Variants in SCN9A observed in about 807,000 individuals in gnomAD.
SCN9A encodes the protein sodium voltage-gated channel alpha subunit 9.
SCN9A carries 131 observed loss-of-function variants against 187.0 expected under a neutral mutation model. The ratio of observed to expected loss-of-function variants is 0.70; its 90% confidence interval spans 0.61 to 0.81. The LOEUF is 0.81. SCN9A is among the 30% of genes least tolerant of loss of function. SCN9A has a pLI of 0.00. For synonymous variants in SCN9A, 809 were observed against 808.6 expected (o/e 1.00, Z -0.01); for missense variants, 2,252 against 2,396.6 (o/e 0.94, Z 1.26).
In SCN9A at chr2:166,313,054, TA is replaced by T. The variant is rs1319324374; in HGVS notation, c.-50-1249del. Reference sequence around the variant, plus strand: ...ATTTAATTTTCTGAATAGTAAAGAATATAATTATTTAATTTTCTGAATAGTA... The same window carrying T: ...ATTTAATTTTCTGAATAGTAAAGAATTAATTATTTAATTTTCTGAATAGTA... On this transcript the variant is annotated intron_variant, in intron 1 of 26. Coordinates refer to ENST00000642356, the MANE Select transcript of SCN9A (RefSeq NM_001365536.1). Among the ~76,000 whole-genome samples the T allele has an allele frequency of 1.8e-3, 201 of 111,562 alleles. 1 individual carries two copies. The highest frequency in any genetic ancestry group is 2.6e-3 in the Non-Finnish European group (145 of 55,410). 73.2% of individuals were successfully genotyped at this position (111,562 alleles called of 152,430 possible). A position where few individuals can be genotyped will look rare whatever the true frequency, so the allele number is the denominator to read the frequency against.
Position 166,198,361 on chromosome 2 carries a change from G to C in SCN9A, c.*311C>G, listed in dbSNP as rs1693305426. The C allele has an allele frequency of 4.3e-6, 1 of 235,044 alleles. No individual in the cohort carries two copies. 14.6% of individuals were successfully genotyped at this position (235,044 alleles called of 1,614,324 possible). On this transcript the variant is annotated 3_prime_UTR_variant, in exon 27 of 27. Coordinates refer to ENST00000642356, the MANE Select transcript of SCN9A (RefSeq NM_001365536.1). ...AAGACTAATTACAATCCTGTGAAAA[G>C]ATGACAAGGCAGATGTAAAAGTTTT...
intron 1 of SCN9A, among the ~76,000 whole-genome samples, chr2:166,359,541 T>C (rs768623038): frequency 6.6e-6 from 1 of 152,156 alleles, no homozygotes; most frequent in Non-Finnish European, 1.5e-5. Context: ...GCATCCTTCA[T>C]AAGTAACATT....
Position 166,288,139 on chromosome 2 carries a change from A to G in SCN9A, c.1314+298T>C, listed in dbSNP as rs1440772641. On this transcript the variant is annotated intron_variant, in intron 10 of 26. Transcript: ENST00000642356. ...TATATATACACACACATTTATATGT[A>G]TATGTGTATGTATATATAGACATAC... Among the ~76,000 whole-genome samples, 3 of 145,406 alleles carry G rather than the reference A, an allele frequency of 2.1e-5. No individual in the cohort carries two copies. In the East Asian group the frequency reaches 5.9e-4, roughly 29 times the overall value.
chr2:166,278,346 AT>A, intron 14 of SCN9A, 33 bp from the exon 15 acceptor site: 1 of 1,494,514 alleles, frequency 6.7e-7, no homozygotes, highest in Non-Finnish European at 9.0e-7. Context: ...TTCTGTTAAT[AT>A]TAGAAAACAG....
At chr2:166,307,814 C>A (rs997444406) in intron 2 of SCN9A, among the ~76,000 whole-genome samples, 1 of 152,116 alleles carries the variant, frequency 6.6e-6, no homozygotes, top group Non-Finnish European at 1.5e-5. Flanking sequence ...CCAGCAGTAA[C>A]AACAAAATAT....
intron 2 of SCN9A, 112 bp downstream of exon 2, chr2:166,311,382 TTTAAC>T (rs1698950161): frequency 4.2e-4 from 35 of 83,444 alleles, no homozygotes; most frequent in South Asian, 1.0e-3. Flanking sequence ...ATATATTTAA[TTTAAC>T]ATTCTGGTCA....
intron 18 of SCN9A, among the ~76,000 whole-genome samples, chr2:166,243,659 C>T (rs115464225): frequency 0.01 from 1,577 of 151,814 alleles, 28 homozygotes; most frequent in African/African-American, 0.035. Context: ...GCAGAATGTA[C>T]ACAAGAGGCA....
chr2:166,199,628 T>C lies in SCN9A; in HGVS notation c.5011A>G (p.Lys1671Glu). 6.2e-7 allele frequency: 1 copy of C among 1,614,164 alleles called. No individual in the cohort carries two copies. Residue 1671 changes from lysine to glutamate, a missense_variant, in exon 27 of 27, where the codon AAG becomes GAG. Around this residue, in one of 7 missense-constraint regions of SCN9A, gnomAD observed 84 missense variants for 134.2 expected, o/e 0.63. Coordinates refer to ENST00000642356, the MANE Select transcript of SCN9A (RefSeq NM_001365536.1). ...AACATGTCATTAATTCCATCTTCCT[T>C]TTTAACATAGGCAAAGTTGGACATT... The part of the protein sequence containing the change: ...FGMSNFAYVK[K>E]EDGINDMFNF...
At chr2:166,334,600 A>T (rs1476085679) in intron 1 of SCN9A, among the ~76,000 whole-genome samples, 2 of 152,128 alleles carry the variant, frequency 1.3e-5, no homozygotes, top group East Asian at 3.9e-4. Context: ...AAGTCTTTTT[A>T]TGAGAAAATT....
intron 1 of SCN9A, among the ~76,000 whole-genome samples, chr2:166,324,475 T>A (rs549933491): frequency 5.9e-5 from 9 of 152,270 alleles, no homozygotes; most frequent in African/African-American, 2.2e-4. Context: ...TTTGAAAATG[T>A]CACTTCTCTA....
intron 18 of SCN9A, among the ~76,000 whole-genome samples, chr2:166,244,221 G>A (rs1249658845): frequency 1.3e-5 from 2 of 152,002 alleles, no homozygotes; most frequent in African/African-American, 4.8e-5. Context: ...AGAATTCTTA[G>A]TAATAATTAG....
At chr2:166,229,211 T>C (rs1217434237) in intron 21 of SCN9A, among the ~76,000 whole-genome samples, 1 of 152,004 alleles carries the variant, frequency 6.6e-6, no homozygotes, top group Non-Finnish European at 1.5e-5. Context: ...TACATGATTA[T>C]CACACAATAA....
chr2:166,351,908 G>A (rs1456197710), intron 1 of SCN9A, among the ~76,000 whole-genome samples: 2 of 152,078 alleles, frequency 1.3e-5, no homozygotes, highest in African/African-American at 2.4e-5. Flanking sequence ...ATAATGCAAT[G>A]ATACTTGAAA....
intron 17 of SCN9A, among the ~76,000 whole-genome samples, chr2:166,258,802 T>C (rs1409274969): frequency 1.3e-5 from 2 of 151,760 alleles, no homozygotes; most frequent in Non-Finnish European, 3.0e-5. Flanking sequence ...TTTTTAGAGT[T>C]TTGATCTACT....
intron 24 of SCN9A, among the ~76,000 whole-genome samples, chr2:166,222,841 G>A (rs10185348): frequency 0.74 from 103,131 of 139,104 alleles, 38,710 homozygotes; most frequent in East Asian, 0.78. Flanking sequence ...TGAGGCAGGA[G>A]AATGGCGTGA....
intron 2 of SCN9A, among the ~76,000 whole-genome samples, 169 bp downstream of exon 2, chr2:166,311,330 C>CTT: frequency 2.1e-5 from 1 of 46,722 alleles, no homozygotes; most frequent in East Asian, 1.2e-3. Context: ...TCTGAATATC[C>CTT]TATATATATA....
At chr2:166,278,592 A>C (rs957412643) in intron 14 of SCN9A, among the ~76,000 whole-genome samples, 1 of 152,184 alleles carries the variant, frequency 6.6e-6, no homozygotes, top group African/African-American at 2.4e-5. Flanking sequence ...CAGAAGAGTA[A>C]AACATTTGGT....
At chr2:166,242,356 C>T in intron 19 of SCN9A, 146 bp downstream of exon 19, 1 of 631,462 alleles carries the variant, frequency 1.6e-6, no homozygotes, top group Non-Finnish European at 2.6e-6. Flanking sequence ...TAACTATTTA[C>T]TGAGCTCAAG....
At chr2:166,255,120 A>AGAG (rs1553484090) in intron 17 of SCN9A, among the ~76,000 whole-genome samples, 1 of 56,038 alleles carries the variant, frequency 1.8e-5, no homozygotes, top group Non-Finnish European at 3.3e-5. Context: ...GAGAGAGAGG[A>AGAG]GAGAGAGAGA....
Sources: allele counts gnomAD v4.1 joint callset (sites outside exome capture counted in the v4.1 genomes callset), GRCh38; gene constraint gnomAD v4.1.1; regional missense constraint gnomAD v4.1.1; transcripts MANE v1.5; gene names NCBI Gene and HGNC (gene_info 2026-07-23, HGNC 2026-07-21).